Variants in CLSTN2 observed in about 807,000 individuals in gnomAD.
The protein encoded by CLSTN2 is calsyntenin-2.
In CLSTN2, 48 loss-of-function variants were observed where a neutral mutation model predicts 101.2. The observed-to-expected ratio is 0.47, with a 90% CI of 0.38 to 0.60. The LOEUF is 0.60. Among genes scored for constraint, CLSTN2 ranks in the 20% least tolerant of loss-of-function variants. The pLI is 0.00. For missense variants in CLSTN2, 1,160 were observed against 1,238.2 expected (o/e 0.94, Z 0.95); for synonymous variants, 481 against 463.6 (o/e 1.04, Z -0.48).
At chr3:140,171,249 T>C (rs983042510) in intron 1 of CLSTN2, among the ~76,000 whole-genome samples, 2 of 152,174 alleles carry the variant, frequency 1.3e-5, no homozygotes, top group African/African-American at 4.8e-5. Context: ...TGGATGTACC[T>C]ACTGTCCAAT....
chr3:139,975,394 C>A (rs1247092273), intron 1 of CLSTN2, among the ~76,000 whole-genome samples: 1 of 152,146 alleles, frequency 6.6e-6, no homozygotes, highest in Non-Finnish European at 1.5e-5. Flanking sequence ...CTCTCACAGA[C>A]CCACTGTCTC....
At chr3:140,067,624 C>T (rs545174443) in intron 1 of CLSTN2, among the ~76,000 whole-genome samples, 1 of 152,188 alleles carries the variant, frequency 6.6e-6, no homozygotes, top group Non-Finnish European at 1.5e-5. Flanking sequence ...GAGGTGATGT[C>T]AGGATGTAAA....
chr3:140,552,736 G>T (rs1205191811), intron 10 of CLSTN2, among the ~76,000 whole-genome samples: 1 of 152,134 alleles, frequency 6.6e-6, no homozygotes, highest in Non-Finnish European at 1.5e-5. Flanking sequence ...TGCTTTCGAT[G>T]TGCTAGACCC....
At chr3:140,166,323 A>T (rs1331672065) in intron 1 of CLSTN2, among the ~76,000 whole-genome samples, 1 of 152,222 alleles carries the variant, frequency 6.6e-6, no homozygotes, top group Non-Finnish European at 1.5e-5. Context: ...ATCAGATCAG[A>T]AGAGGAAGTT....
At chr3:140,388,086 C>A (rs1200660149) in intron 2 of CLSTN2, among the ~76,000 whole-genome samples, 8 of 152,222 alleles carry the variant, frequency 5.3e-5, no homozygotes, top group Non-Finnish European at 7.3e-5. Context: ...CGTGGTTTAA[C>A]GTCTTGCCTG....
chr3:140,083,098 A>G (rs1162669674), intron 1 of CLSTN2, among the ~76,000 whole-genome samples: 1 of 152,208 alleles, frequency 6.6e-6, no homozygotes, highest in Non-Finnish European at 1.5e-5. Flanking sequence ...GCTGGACACT[A>G]TATGGCTCAT....
At chr3:140,203,170 A>G (rs1379010910) in intron 2 of CLSTN2, among the ~76,000 whole-genome samples, 1 of 152,164 alleles carries the variant, frequency 6.6e-6, no homozygotes, top group African/African-American at 2.4e-5. Flanking sequence ...CCTTAAGTGT[A>G]CTCTGACAAA....
chr3:140,023,612 AG>A (rs1157422227), intron 1 of CLSTN2, among the ~76,000 whole-genome samples: 8 of 152,068 alleles, frequency 5.3e-5, no homozygotes, highest in African/African-American at 1.9e-4. Flanking sequence ...TGACCCTCCA[AG>A]GGGGGAGCTG....
intron 1 of CLSTN2, among the ~76,000 whole-genome samples, chr3:140,150,101 TG>T: frequency 6.6e-6 from 1 of 152,338 alleles, no homozygotes; most frequent in Non-Finnish European, 1.5e-5. Flanking sequence ...ATTCTACTCA[TG>T]CCCCATATTC....
chr3:140,542,177 T>C (rs770010392), intron 9 of CLSTN2, among the ~76,000 whole-genome samples: 3 of 152,236 alleles, frequency 2.0e-5, no homozygotes, highest in Non-Finnish European at 4.4e-5. Context: ...TATCAATTGT[T>C]TGGAAATGAA....
intron 2 of CLSTN2, among the ~76,000 whole-genome samples, chr3:140,370,884 C>T (rs2087847903): frequency 6.6e-6 from 1 of 152,078 alleles, no homozygotes; most frequent in Non-Finnish European, 1.5e-5. Flanking sequence ...AGCACCGGCC[C>T]CACCCACCCC....
Position 140,355,680 on chromosome 3 carries a change from G to A in CLSTN2, c.233-47949G>A, listed in dbSNP as rs184840609. Among the ~76,000 whole-genome samples the A allele has an allele frequency of 2.6e-5, 4 of 152,306 alleles. No individual in the cohort carries two copies. In the East Asian group the frequency reaches 7.7e-4, roughly 29 times the overall value. Reference sequence around the variant, plus strand: ...CAATCTGGCTGGTGCCAAGCATGGGGAAGTGACTAAGAAGGCAGGCTCATA... The same window carrying A: ...CAATCTGGCTGGTGCCAAGCATGGGAAAGTGACTAAGAAGGCAGGCTCATA... On this transcript the variant is annotated intron_variant, in intron 2 of 16. Coordinates refer to ENST00000458420, the MANE Select transcript of CLSTN2 (RefSeq NM_022131.3).
chr3:140,468,431 T>A (rs574718451), intron 8 of CLSTN2, among the ~76,000 whole-genome samples: 3 of 152,338 alleles, frequency 2.0e-5, no homozygotes, highest in South Asian at 2.1e-4. Flanking sequence ...ATTCTGGTTC[T>A]GAAGATAAAG....
chr3:140,083,291 C>T (rs983909335), intron 1 of CLSTN2, among the ~76,000 whole-genome samples: 2 of 152,186 alleles, frequency 1.3e-5, no homozygotes, highest in Non-Finnish European at 2.9e-5. Context: ...TACTATGTTG[C>T]TATCTGATTA....
At chr3:140,397,141 TAGTG>T (rs2088191799) in intron 2 of CLSTN2, among the ~76,000 whole-genome samples, 2 of 152,246 alleles carry the variant, frequency 1.3e-5, no homozygotes, top group Non-Finnish European at 2.9e-5. Context: ...AAAAACAAAT[TAGTG>T]AGAAGAGTGC....
At chr3:140,109,277 A>C (rs1207941204) in intron 1 of CLSTN2, among the ~76,000 whole-genome samples, 1 of 152,136 alleles carries the variant, frequency 6.6e-6, no homozygotes, top group African/African-American at 2.4e-5. Flanking sequence ...CCAGAAATCC[A>C]GGTATTACTG....
In CLSTN2 at chr3:140,117,706, C is replaced by T. The variant is rs2009269601; in HGVS notation, c.110-58245C>T. The stretch of plus-strand genomic sequence containing the variant: ...GCCCCTCCAGGAACTTTCATAGCCA[C>T]AGACTTGTAGGATTAGCAGAGCAAT... On this transcript the variant is annotated intron_variant, in intron 1 of 16. Transcript: ENST00000458420. Among the ~76,000 whole-genome samples, 3 of 152,184 alleles carry T rather than the reference C, an allele frequency of 2.0e-5. No homozygotes were observed. In the South Asian group the frequency reaches 6.2e-4, roughly 32 times the overall value.
intron 1 of CLSTN2, among the ~76,000 whole-genome samples, chr3:140,073,575 A>G (rs1034383340): frequency 2.6e-5 from 4 of 152,192 alleles, no homozygotes; most frequent in Non-Finnish European, 5.9e-5. Flanking sequence ...GCAGACATCC[A>G]TCCCTGTAAA....
At chr3:140,212,113 C>T (rs2107847142) in intron 2 of CLSTN2, among the ~76,000 whole-genome samples, 1 of 152,340 alleles carries the variant, frequency 6.6e-6, no homozygotes, top group East Asian at 1.9e-4. Context: ...GCTGACTCCA[C>T]TGAATCCAAG....
Sources: allele counts gnomAD v4.1 joint callset (sites outside exome capture counted in the v4.1 genomes callset), GRCh38; gene constraint gnomAD v4.1.1; transcripts MANE v1.5; gene names NCBI Gene and HGNC (gene_info 2026-07-23, HGNC 2026-07-21).